The following TENM3 variants were observed in gnomAD, a reference collection of about 807,000 sequenced individuals.
TENM3 encodes the protein teneurin-3.
Under a neutral mutation model 255.1 loss-of-function variants are expected in TENM3, and 63 were observed. The observed-to-expected ratio is 0.25, with a 90% CI of 0.20 to 0.30. TENM3 has a LOEUF of 0.30. Among genes scored for constraint, TENM3 ranks in the 10% least tolerant of loss-of-function variants. The pLI is 1.00. For missense variants in TENM3, 2,929 were observed against 3,461.1 expected (o/e 0.85, Z 3.86); for synonymous variants, 1,306 against 1,322.3 (o/e 0.99, Z 0.27).
the TENM3 span, among the ~76,000 whole-genome samples, chr4:181,942,509 C>A: frequency 1.3e-5 from 2 of 152,082 alleles, no homozygotes; most frequent in African/African-American, 2.4e-5. Context: ...ACACCCAAGA[C>A]TTTCTTAGCC....
Position 182,311,046 on chromosome 4 carries a change from T to C in TENM3, c.-75-12900T>C, listed in dbSNP as rs548375728. ...ATTAGTACAGCTACCAAGGCTGTGA[T>C]GGAAGAGAGCCTGTCTCCTTTGATA... On this transcript the variant is annotated intron_variant, in intron 1 of 27. Transcript: ENST00000511685. 6.4e-4 allele frequency among the ~76,000 whole-genome samples: 97 copies of C among 152,332 alleles called. 2 individuals carry two copies. Among genetic ancestry groups the C allele is most frequent in the African/African-American group, 2.2e-3 (93 of 41,582 alleles).
chr4:181,569,593 C>A, the TENM3 span, among the ~76,000 whole-genome samples: 3 of 152,118 alleles, frequency 2.0e-5, no homozygotes, highest in Non-Finnish European at 4.4e-5. Context: ...GAATACACAA[C>A]CAGTTAAGAA....
At chr4:181,477,285 G>A in the TENM3 span, among the ~76,000 whole-genome samples, 1 of 152,116 alleles carries the variant, frequency 6.6e-6, no homozygotes, top group Non-Finnish European at 1.5e-5. Flanking sequence ...ACTTGAATAA[G>A]TGATCTCTTA....
chr4:182,379,162 T>G (rs1490627983), intron 3 of TENM3, among the ~76,000 whole-genome samples: 1 of 152,130 alleles, frequency 6.6e-6, no homozygotes, highest in Non-Finnish European at 1.5e-5. Flanking sequence ...CGGATCAGCC[T>G]GTCCAACATG....
At chr4:182,446,778 G>A (rs1288749212) in intron 3 of TENM3, among the ~76,000 whole-genome samples, 1 of 152,020 alleles carries the variant, frequency 6.6e-6, no homozygotes, top group Non-Finnish European at 1.5e-5. Flanking sequence ...AATTTTAACC[G>A]TGTAATGTTC....
Position 182,673,099 on chromosome 4 carries a change from C to A in TENM3, c.1206C>A (p.Ile402=), listed in dbSNP as rs201823975. Residue 402 remains isoleucine, a synonymous_variant, in exon 7 of 28, where the codon ATC becomes ATA. Transcript: ENST00000511685. ...CAATTCAAGAGATTCCTCCCGGGAT[C>A]TTCTGGAGATCACAGCTCTTCATTG... is the stretch of plus-strand genomic sequence containing the variant. ...RRAIQEIPPG[I]FWRSQLFIDQ... is the part of the protein sequence containing the mutation. The A allele has an allele frequency of 1.2e-6, 2 of 1,613,220 alleles. No individual in the cohort carries two copies. Among genetic ancestry groups the A allele is most frequent in the Non-Finnish European group, 1.7e-6 (2 of 1,179,526 alleles).
the TENM3 span, among the ~76,000 whole-genome samples, chr4:182,021,510 C>A: frequency 6.6e-6 from 1 of 152,104 alleles, no homozygotes; most frequent in Non-Finnish European, 1.5e-5. Context: ...TTAAAATACA[C>A]CCAAGATTAT....
intron 1 of TENM3, among the ~76,000 whole-genome samples, chr4:182,174,950 T>TTTTTA (rs1561167692): frequency 1.3e-5 from 2 of 151,272 alleles, no homozygotes; most frequent in Admixed American, 1.3e-4. Flanking sequence ...TCAACTGAAA[T>TTTTTA]ATTTGTTACA....
chr4:181,597,440 T>A, the TENM3 span, among the ~76,000 whole-genome samples: 11 of 152,340 alleles, frequency 7.2e-5, no homozygotes, highest in Admixed American at 2.0e-4. Flanking sequence ...TTCCTCTTTA[T>A]CTTTTATCTG....
the TENM3 span, among the ~76,000 whole-genome samples, chr4:181,992,499 G>A: frequency 6.6e-6 from 1 of 152,010 alleles, no homozygotes; most frequent in Non-Finnish European, 1.5e-5. Context: ...ATGCAATGTT[G>A]ATAGAGCTAT....
intron 13 of TENM3, among the ~76,000 whole-genome samples, chr4:182,722,247 G>C (rs1403280568): frequency 1.3e-5 from 2 of 152,086 alleles, no homozygotes; most frequent in East Asian, 1.9e-4. Context: ...GAGTAAAAAA[G>C]AAATAGGAAT....
At chr4:182,748,505 G>A (rs1366388471) in intron 19 of TENM3, among the ~76,000 whole-genome samples, 1 of 152,200 alleles carries the variant, frequency 6.6e-6, no homozygotes, top group Non-Finnish European at 1.5e-5. Context: ...TGGAAAGCAA[G>A]CACGAGCTCA....
the TENM3 span, among the ~76,000 whole-genome samples, chr4:181,467,773 A>C: frequency 2.0e-5 from 3 of 152,154 alleles, no homozygotes; most frequent in Admixed American, 6.5e-5. Context: ...TATATTTAAA[A>C]GATGTTGGTG....
At chr4:182,011,889 G>T in the TENM3 span, among the ~76,000 whole-genome samples, 1 of 152,102 alleles carries the variant, frequency 6.6e-6, no homozygotes, top group Non-Finnish European at 1.5e-5. Context: ...TTCCCCTCTA[G>T]CCCCTTGTTT....
the TENM3 span, among the ~76,000 whole-genome samples, chr4:181,718,985 T>C: frequency 1.2e-3 from 183 of 151,972 alleles, no homozygotes; most frequent in African/African-American, 3.3e-3. Flanking sequence ...GGCGGGTGGA[T>C]CATGAGGTCA....
In TENM3 at chr4:182,618,568, A is replaced by G. The variant is rs1749763015; in HGVS notation, c.750-10083A>G. Among the ~76,000 whole-genome samples the G allele has an allele frequency of 2.0e-5, 3 of 151,996 alleles. 1 individual carries two copies. In the South Asian group the frequency reaches 6.2e-4, roughly 32 times the overall value. On this transcript the variant is annotated intron_variant, in intron 4 of 27. Coordinates refer to ENST00000511685, the MANE Select transcript of TENM3 (RefSeq NM_001080477.4). ...CTTATTACTTTGAAAGACAAAATCAATCAAAAGTGAACAGCTACTAAGGAA... is the reference window on the plus strand; with the variant it reads ...CTTATTACTTTGAAAGACAAAATCAGTCAAAAGTGAACAGCTACTAAGGAA...
At chr4:181,454,798 G>A in the TENM3 span, among the ~76,000 whole-genome samples, 1 of 145,900 alleles carries the variant, frequency 6.9e-6, no homozygotes, top group Admixed American at 7.1e-5. Flanking sequence ...TTGCAGCCTA[G>A]GAGCAATAGG....
chr4:181,989,666 G>A, the TENM3 span, among the ~76,000 whole-genome samples: 1 of 152,090 alleles, frequency 6.6e-6, no homozygotes, highest in African/African-American at 2.4e-5. Flanking sequence ...TAAAATGAAA[G>A]GGCTACACCA....
intron 3 of TENM3, among the ~76,000 whole-genome samples, chr4:182,457,041 C>CGGGCGT (rs1773930677): frequency 6.6e-6 from 1 of 151,790 alleles, no homozygotes; most frequent in Non-Finnish European, 1.5e-5. Context: ...ACAAATTAGC[C>CGGGCGT]GGGCGTGGTG....
Sources: allele counts gnomAD v4.1 joint callset (sites outside exome capture counted in the v4.1 genomes callset), GRCh38; gene constraint gnomAD v4.1.1; transcripts MANE v1.5; gene names NCBI Gene and HGNC (gene_info 2026-07-23, HGNC 2026-07-21).